The following GRIK2 variants were observed in gnomAD, a reference collection of about 807,000 sequenced individuals.
GRIK2 encodes the protein glutamate receptor ionotropic, kainate 2.
Under a neutral mutation model 100.3 loss-of-function variants are expected in GRIK2, and 32 were observed. The observed-to-expected ratio is 0.32, with a 90% CI of 0.24 to 0.43. The LOEUF is 0.43. Ranked by LOEUF, GRIK2 falls within the 20% of genes least tolerant of loss-of-function variation. The pLI, the probability that GRIK2 is intolerant of heterozygous loss-of-function variation, is 1.00. For synonymous variants in GRIK2, 417 were observed against 389.4 expected (o/e 1.07, Z -0.83); for missense variants, 843 against 1,114.9 (o/e 0.76, Z 3.47).
At chr6:101,675,509 G>T (rs1191995131) in intron 4 of GRIK2, among the ~76,000 whole-genome samples, 13 of 152,018 alleles carry the variant, frequency 8.6e-5, no homozygotes. Context: ...AAAGAAAATT[G>T]CTTCATTTGA....
intron 14 of GRIK2, among the ~76,000 whole-genome samples, chr6:101,966,240 G>A (rs1792666213): frequency 6.6e-6 from 1 of 152,112 alleles, no homozygotes; most frequent in African/African-American, 2.4e-5. Flanking sequence ...AGCTAAGGAA[G>A]AAAACAATTT....
chr6:101,718,646 A>G (rs1188504301), intron 7 of GRIK2, among the ~76,000 whole-genome samples: 1 of 151,940 alleles, frequency 6.6e-6, no homozygotes, highest in African/African-American at 2.4e-5. Flanking sequence ...TCGAGAGATC[A>G]TGCTGCCAAT....
At chr6:101,931,353 T>C (rs894642322) in intron 14 of GRIK2, among the ~76,000 whole-genome samples, 1 of 152,112 alleles carries the variant, frequency 6.6e-6, no homozygotes, top group African/African-American at 2.4e-5. Context: ...CCCTAAGACA[T>C]TGACTTCTAA....
intron 10 of GRIK2, among the ~76,000 whole-genome samples, chr6:101,826,077 C>G (rs1422440869): frequency 6.6e-6 from 1 of 151,734 alleles, no homozygotes; most frequent in South Asian, 2.1e-4. Context: ...TCACCCCAGC[C>G]AGAGGTGTGT....
At chr6:101,733,238 C>A (rs1452447241) in intron 7 of GRIK2, among the ~76,000 whole-genome samples, 1 of 152,086 alleles carries the variant, frequency 6.6e-6, no homozygotes, top group African/African-American at 2.4e-5. Context: ...GGGTGAGACT[C>A]AAAGTATTAC....
At chr6:101,636,350 G>C (rs1781011902) in intron 4 of GRIK2, among the ~76,000 whole-genome samples, 1 of 152,034 alleles carries the variant, frequency 6.6e-6, no homozygotes, top group Non-Finnish European at 1.5e-5. Flanking sequence ...GGGCCTGTCA[G>C]GGGGTGAGGG....
At chr6:101,866,753 T>A (rs1785073300) in intron 11 of GRIK2, among the ~76,000 whole-genome samples, 1 of 151,126 alleles carries the variant, frequency 6.6e-6, no homozygotes, top group African/African-American at 2.5e-5. Flanking sequence ...ATTCTTTTTC[T>A]CCATATTTAT....
chr6:101,868,603 A>G (rs1035974435), intron 11 of GRIK2, among the ~76,000 whole-genome samples: 14 of 151,890 alleles, frequency 9.2e-5, no homozygotes, highest in African/African-American at 3.4e-4. Flanking sequence ...TATTTTCTTT[A>G]GAGCATAGAG....
At chr6:101,722,873 G>A (rs1774580720) in intron 7 of GRIK2, among the ~76,000 whole-genome samples, 1 of 152,052 alleles carries the variant, frequency 6.6e-6, no homozygotes, top group South Asian at 2.1e-4. Context: ...AAGGATTTAA[G>A]ATGTGATCAG....
intron 2 of GRIK2, among the ~76,000 whole-genome samples, chr6:101,572,534 G>T (rs954107264): frequency 6.6e-6 from 1 of 152,176 alleles, no homozygotes; most frequent in East Asian, 1.9e-4. Flanking sequence ...AATAGGAAAT[G>T]CTTTGCCATC....
intron 2 of GRIK2, among the ~76,000 whole-genome samples, chr6:101,441,636 C>T (rs1181398635): frequency 6.6e-6 from 1 of 151,778 alleles, no homozygotes; most frequent in Non-Finnish European, 1.5e-5. Context: ...TCATTTTTTT[C>T]TTTTCAACTG....
At chr6:101,701,443 T>G in intron 7 of GRIK2, among the ~76,000 whole-genome samples, 1 of 152,090 alleles carries the variant, frequency 6.6e-6, no homozygotes, top group East Asian at 1.9e-4. Context: ...AAAATATTAC[T>G]CTTGCTAATG....
intron 2 of GRIK2, among the ~76,000 whole-genome samples, chr6:101,414,490 C>T (rs1776023617): frequency 6.6e-6 from 1 of 152,014 alleles, no homozygotes; most frequent in African/African-American, 2.4e-5. Context: ...CAGATCCCCC[C>T]TGGAAGTCCC....
Position 101,959,029 on chromosome 6 carries a change from T to C in GRIK2, c.2085+30397T>C, listed in dbSNP as rs555593838. On this transcript the variant is annotated intron_variant, in intron 14 of 16. Coordinates refer to ENST00000369134, the MANE Select transcript of GRIK2 (RefSeq NM_021956.5). ...TTGCCTGGCTTTGGTATCAGGGTGA[T>C]ACTGGCTTCATAGAATGAGTTAGGG... 1.2e-4 allele frequency among the ~76,000 whole-genome samples: 18 copies of C among 152,234 alleles called. 1 individual carries two copies. The highest frequency in any genetic ancestry group is 3.8e-4 in the African/African-American group (16 of 41,564).
intron 2 of GRIK2, among the ~76,000 whole-genome samples, chr6:101,566,000 AAG>A (rs1225868926): frequency 1.4e-5 from 2 of 147,912 alleles, no homozygotes; most frequent in African/African-American, 2.5e-5. Context: ...AATTATAAGA[AAG>A]AGAAAATATA....
chr6:101,525,367 T>C (rs1775099608), intron 2 of GRIK2, among the ~76,000 whole-genome samples: 1 of 152,184 alleles, frequency 6.6e-6, no homozygotes, highest in Non-Finnish European at 1.5e-5. Context: ...GACAGCTATG[T>C]GAGTTACGGA....
intron 7 of GRIK2, among the ~76,000 whole-genome samples, chr6:101,729,769 GTGA>G (rs1052776360): frequency 5.3e-5 from 8 of 151,826 alleles, no homozygotes; most frequent in African/African-American, 1.7e-4. Flanking sequence ...TAGTTTTGAT[GTGA>G]TGATATGTCC....
intron 7 of GRIK2, among the ~76,000 whole-genome samples, chr6:101,690,379 A>G (rs2065938): frequency 0.64 from 96,816 of 151,872 alleles, 32,829 homozygotes; most frequent in Non-Finnish European, 0.77. Context: ...ACCAACCGCT[A>G]TCTCCATTTC....
intron 7 of GRIK2, among the ~76,000 whole-genome samples, chr6:101,711,755 A>G (rs1395947009): frequency 1.3e-5 from 2 of 151,800 alleles, no homozygotes; most frequent in African/African-American, 2.4e-5. Context: ...TAAGGTCTAA[A>G]CTGAAAGTAT....
Sources: allele counts gnomAD v4.1 joint callset (sites outside exome capture counted in the v4.1 genomes callset), GRCh38; gene constraint gnomAD v4.1.1; transcripts MANE v1.5; gene names NCBI Gene and HGNC (gene_info 2026-07-23, HGNC 2026-07-21).